RTN4: variants seen among roughly 807,000 people sequenced by gnomAD.
The protein encoded by RTN4 is reticulon-4.
In RTN4, 32 loss-of-function variants were observed where a neutral mutation model predicts 90.4. The ratio of observed to expected loss-of-function variants is 0.35; its 90% CI spans 0.27 to 0.48. The LOEUF (loss-of-function observed/expected upper bound fraction) is 0.48. Ranked by LOEUF, RTN4 falls within the 20% of genes least tolerant of loss-of-function variation. The pLI, the probability that RTN4 is intolerant of heterozygous loss-of-function variation, is 0.99. For synonymous variants in RTN4, 629 were observed against 552.5 expected, an observed-to-expected ratio of 1.14 and a Z score of -1.94; for missense variants, 1,706 against 1,430.2, an observed-to-expected ratio of 1.19 and a Z score of -3.11.
At chr2:55,076,879 C>G (rs1168727359) in intron 2 of RTN4, among the ~76,000 whole-genome samples, 5 of 152,172 alleles carry the variant, frequency 3.3e-5, no homozygotes, top group Non-Finnish European at 7.3e-5. Context: ...CTCTCTCTTG[C>G]AACCTTGTGG....
In RTN4 at chr2:55,027,201, T is replaced by C; in HGVS notation, c.898A>G (p.Met300Val). Residue 300 changes from methionine (M) to valine (V), a missense_variant, in exon 3 of 9, where the codon ATG becomes GTG. Coordinates refer to ENST00000337526, the MANE Select transcript of RTN4 (RefSeq NM_020532.5). ...TEFSELEYSEMGSSFSVSPKA... is the reference protein window; with the variant it reads ...TEFSELEYSEVGSSFSVSPKA... ...GGAGAGACACTGAACGATGATCCCA[T>C]TTCTGAGTATTCTAATTCTGAAAAC... The C allele has an allele frequency of 6.2e-7, 1 of 1,613,746 alleles. No individual in the cohort carries two copies. The highest frequency in any genetic ancestry group is 1.1e-5 in the South Asian group (1 of 91,076).
chr2:55,077,540 C>A (rs1668624811), intron 2 of RTN4, among the ~76,000 whole-genome samples: 1 of 152,060 alleles, frequency 6.6e-6, no homozygotes, highest in Non-Finnish European at 1.5e-5. Context: ...AGTACAACCA[C>A]TATGGAAAAC....
chr2:55,118,692 C>A, the RTN4 span, among the ~76,000 whole-genome samples: 4 of 152,204 alleles, frequency 2.6e-5, no homozygotes, highest in Admixed American at 6.5e-5. Flanking sequence ...CTAGTGGATT[C>A]TGAAGCCATG....
intron 3 of RTN4, among the ~76,000 whole-genome samples, chr2:54,998,088 G>T (rs774175838): frequency 6.6e-6 from 1 of 151,992 alleles, no homozygotes; most frequent in Non-Finnish European, 1.5e-5. Flanking sequence ...AGTCACAAAA[G>T]GCCATATATT....
At chr2:55,094,886 C>A (rs532100218) in intron 1 of RTN4, among the ~76,000 whole-genome samples, 46 of 152,270 alleles carry the variant, frequency 3.0e-4, no homozygotes, top group African/African-American at 1.1e-3. Flanking sequence ...AGATGCACAG[C>A]AAGAAATTCA....
upstream of RTN4, chr2:55,050,537 A>G (rs201370633): frequency 1.4e-4 from 50 of 355,482 alleles, no homozygotes; most frequent in Middle Eastern, 7.0e-4. This position sits in a 1 kb window ranked among gnomAD's most constrained non-coding sequence, Gnocchi z 4.6. Context: ...GCTAGGAGTG[A>G]GGCCAGCGGA....
intron 5 of RTN4, among the ~76,000 whole-genome samples, chr2:54,979,571 A>G (rs1677953418): frequency 7.9e-5 from 12 of 152,218 alleles, no homozygotes. Flanking sequence ...AAACACATGG[A>G]ATCTGTACTA....
At chr2:55,011,288 A>C (rs1282788036) in intron 3 of RTN4, among the ~76,000 whole-genome samples, 2 of 152,256 alleles carry the variant, frequency 1.3e-5, no homozygotes, top group East Asian at 3.9e-4. Flanking sequence ...CAGCCTCCTA[A>C]AGTGCGGGGA....
At position 54,974,776 on chromosome 2, in the gene RTN4, T is replaced by C. The variant is rs1677477294; in HGVS notation, c.3361-12A>G. The C allele has an allele frequency of 6.2e-7, 1 of 1,609,802 alleles. No individual in the cohort carries two copies. Among genetic ancestry groups the C allele is most frequent in the African/African-American group, 1.3e-5 (1 of 74,818 alleles). ...ATCAACACTGCAAACTATAAGAAAA[T>C]AACATTAGCCCATTATAAACAAAAT... is the stretch of plus-strand genomic sequence containing the variant. On this transcript the variant is annotated splice_polypyrimidine_tract_variant and intron_variant, in intron 5 of 8. Coordinates refer to ENST00000337526, the MANE Select transcript of RTN4 (RefSeq NM_020532.5).
chr2:55,086,380 G>T (rs1480448046), intron 1 of RTN4, among the ~76,000 whole-genome samples: 1 of 152,034 alleles, frequency 6.6e-6, no homozygotes, highest in Admixed American at 6.5e-5. Flanking sequence ...TATGACCAGG[G>T]CTGGGTGCAG....
the RTN4 span, among the ~76,000 whole-genome samples, chr2:55,133,618 A>G: frequency 6.6e-6 from 1 of 152,090 alleles, no homozygotes; most frequent in Non-Finnish European, 1.5e-5. Context: ...CCTCCATTCT[A>G]TGGAGGGAGA....
At chr2:55,129,882 A>C in the RTN4 span, among the ~76,000 whole-genome samples, 1 of 152,200 alleles carries the variant, frequency 6.6e-6, no homozygotes, top group Admixed American at 6.5e-5. Flanking sequence ...TAAAAAAAGA[A>C]AAAAGAGTAG....
chr2:55,050,616 G>C (rs541276826), upstream of RTN4: 2 of 245,878 alleles, frequency 8.1e-6, no homozygotes, highest in East Asian at 7.5e-5. This position sits in a 1 kb window ranked among gnomAD's most constrained non-coding sequence, Gnocchi z 4.6. Flanking sequence ...GAGGGAGAGA[G>C]CCAATCGGCT....
intron 1 of RTN4, among the ~76,000 whole-genome samples, chr2:55,103,185 G>A (rs1667884824): frequency 6.6e-6 from 1 of 151,404 alleles, no homozygotes; most frequent in Non-Finnish European, 1.5e-5. Context: ...TTAAAAGGAT[G>A]CACCTGGAGA....
chr2:55,090,175 C>A (rs1668911813), intron 1 of RTN4, among the ~76,000 whole-genome samples: 1 of 152,076 alleles, frequency 6.6e-6, no homozygotes, highest in African/African-American at 2.4e-5. Context: ...GTGGAGACAG[C>A]TGAATTCCTC....
the RTN4 span, among the ~76,000 whole-genome samples, chr2:55,126,230 G>A: frequency 6.6e-6 from 1 of 152,070 alleles, no homozygotes; most frequent in African/African-American, 2.4e-5. Flanking sequence ...TTAGTTGGGT[G>A]TGGTGGCGCA....
intron 1 of RTN4, among the ~76,000 whole-genome samples, chr2:55,084,053 G>A (rs1206799685): frequency 6.6e-6 from 1 of 152,108 alleles, no homozygotes; most frequent in Non-Finnish European, 1.5e-5. Flanking sequence ...TTAAAAGTTT[G>A]GAACTTTCAG....
chr2:55,117,444 A>G (rs1204319979), upstream of RTN4, among the ~76,000 whole-genome samples: 1 of 152,192 alleles, frequency 6.6e-6, no homozygotes, highest in Non-Finnish European at 1.5e-5. Context: ...AGCAAGTCCC[A>G]ATCCTGACTC....
intron 3 of RTN4, among the ~76,000 whole-genome samples, chr2:55,005,096 G>C (rs1680114290): frequency 6.6e-6 from 1 of 152,176 alleles, no homozygotes; most frequent in South Asian, 2.1e-4. Flanking sequence ...AGTAATGACA[G>C]ACGAAATTAT....
Sources: gnomAD v4.1 joint callset for allele counts (sites outside exome capture counted in the v4.1 genomes callset) on GRCh38, gnomAD v4.1.1 for gene constraint, Gnocchi (gnomAD v3.1) non-coding constraint, MANE v1.5 for transcripts, NCBI Gene and HGNC (gene_info 2026-07-23, HGNC 2026-07-21) for gene names.